Variants in UBN2 observed in about 807,000 individuals in gnomAD.
UBN2 encodes ubinuclein 2, also known as ubinuclein-2.
UBN2 carries 35 observed loss-of-function variants against 120.2 expected under a neutral mutation model. The observed-to-expected ratio is 0.29, with a 90% CI of 0.22 to 0.39. The LOEUF (loss-of-function observed/expected upper bound fraction) is 0.39. Ranked by LOEUF, UBN2 falls within the 10% of genes least tolerant of loss-of-function variation. The pLI, the probability that UBN2 is intolerant of heterozygous loss-of-function variation, is 1.00. For synonymous variants in UBN2, 661 were observed against 648.7 expected (o/e 1.02, Z -0.29); for missense variants, 1,693 against 1,663.2 (o/e 1.02, Z -0.31).
In UBN2 at chr7:139,279,365, G is replaced by C; in HGVS notation, c.2067+5G>C. The C allele has an allele frequency of 6.3e-7, 1 of 1,597,480 alleles. No homozygotes were observed. The highest frequency in any genetic ancestry group is 8.5e-7 in the Non-Finnish European group (1 of 1,172,006). On this transcript the variant is annotated splice_donor_5th_base_variant and intron_variant, in intron 13 of 17. Coordinates refer to ENST00000473989, the MANE Select transcript of UBN2 (RefSeq NM_173569.4). The stretch of plus-strand genomic sequence containing the variant: ...GCACCTAAACCCAAAGTAAAGGTAA[G>C]TACTGAAACAAAATATTTAATTAGT...
chr7:139,238,569 A>T (rs1796225298), intron 2 of UBN2, among the ~76,000 whole-genome samples: 1 of 152,044 alleles, frequency 6.6e-6, no homozygotes, highest in Admixed American at 6.6e-5. Flanking sequence ...GATTACAGGC[A>T]TGCACCACCA....
chr7:139,263,802 A>G (rs1441933630), intron 6 of UBN2, among the ~76,000 whole-genome samples: 1 of 152,030 alleles, frequency 6.6e-6, no homozygotes, highest in Non-Finnish European at 1.5e-5. Flanking sequence ...ACGTGCTAAT[A>G]CATCAAAAGT....
chr7:139,318,854 C>T, the UBN2 span, among the ~76,000 whole-genome samples: 1 of 152,046 alleles, frequency 6.6e-6, no homozygotes. Flanking sequence ...CAAATTCATG[C>T]GCGTGGTAAG....
chr7:139,310,330 T>C (rs563005332), downstream of UBN2, among the ~76,000 whole-genome samples: 4 of 151,238 alleles, frequency 2.6e-5, no homozygotes, highest in Non-Finnish European at 5.9e-5. Flanking sequence ...AAAGTTATAT[T>C]TGGTAGGGGA....
intron 4 of UBN2, 80 bp downstream of exon 4, chr7:139,258,705 G>A: frequency 7.9e-7 from 1 of 1,261,568 alleles, no homozygotes; most frequent in Non-Finnish European, 1.0e-6. Context: ...TGTCACACGT[G>A]TGAATGTAAG....
intron 12 of UBN2, chr7:139,276,360 C>G (rs889824478): frequency 1.7e-5 from 9 of 524,850 alleles, no homozygotes; most frequent in Admixed American, 1.0e-4. Flanking sequence ...ACATAATGGC[C>G]TGGGATTCTG....
chr7:139,281,889 C>A, intron 13 of UBN2, 116 bp from the exon 14 acceptor site: 3 of 882,960 alleles, frequency 3.4e-6, no homozygotes, highest in Non-Finnish European at 5.5e-6. Context: ...TACACTTGTA[C>A]TTCCAATTGG....
intron 15 of UBN2, among the ~76,000 whole-genome samples, chr7:139,290,051 A>G (rs1174520046): frequency 6.6e-6 from 1 of 151,940 alleles, no homozygotes; most frequent in Non-Finnish European, 1.5e-5. Flanking sequence ...GCGCCACCAC[A>G]CCTGGCTAAT....
intron 2 of UBN2, among the ~76,000 whole-genome samples, chr7:139,237,676 G>A (rs117478274): frequency 0.016 from 2,490 of 152,196 alleles, 24 homozygotes; most frequent in Non-Finnish European, 0.025. Context: ...GGAAACTGAG[G>A]CTCTGAGTTC....
At chr7:139,322,044 G>A in the UBN2 span, among the ~76,000 whole-genome samples, 2 of 151,794 alleles carry the variant, frequency 1.3e-5, no homozygotes, top group East Asian at 3.9e-4. Context: ...CACAATCTCA[G>A]CTCACTGCAA....
In UBN2 at chr7:139,238,157, C is replaced by T. The variant is rs191979935; in HGVS notation, c.561+1060C>T. ...CCAGTTGAGAAGCAACACCTTACCCCTCTGATTCCTCTGTGAGCATTGAAA... is the reference window on the plus strand; with the variant it reads ...CCAGTTGAGAAGCAACACCTTACCCTTCTGATTCCTCTGTGAGCATTGAAA... On this transcript the variant is annotated intron_variant, in intron 2 of 17. Coordinates refer to ENST00000473989, the MANE Select transcript of UBN2 (RefSeq NM_173569.4). Among the ~76,000 whole-genome samples, 168 of 152,282 alleles carry T rather than the reference C, an allele frequency of 1.1e-3. 1 individual carries two copies. Among genetic ancestry groups the T allele is most frequent in the African/African-American group, 3.7e-3 (155 of 41,550 alleles).
chr7:139,251,186 AT>A (rs1460922072), intron 2 of UBN2, among the ~76,000 whole-genome samples: 4 of 152,086 alleles, frequency 2.6e-5, no homozygotes, highest in African/African-American at 9.7e-5. Context: ...CTTTAAAAAA[AT>A]AATAATAATA....
intron 12 of UBN2, among the ~76,000 whole-genome samples, chr7:139,277,876 G>A (rs1467411205): frequency 2.0e-5 from 3 of 152,104 alleles, no homozygotes; most frequent in Non-Finnish European, 4.4e-5. Flanking sequence ...TCCTATAATA[G>A]ATTTTAGTTT....
chr7:139,281,631 A>T (rs1797614693), intron 13 of UBN2, among the ~76,000 whole-genome samples: 1 of 152,214 alleles, frequency 6.6e-6, no homozygotes, highest in Non-Finnish European at 1.5e-5. Flanking sequence ...TGCCAGTATA[A>T]ATCTGCACAG....
Position 139,233,187 on chromosome 7 carries a change from C to A in UBN2, c.468+1235C>A, listed in dbSNP as rs10270553. Among the ~76,000 whole-genome samples the A allele has an allele frequency of 8.6e-3, 1,307 of 152,256 alleles. 21 individuals carry two copies. Among genetic ancestry groups the A allele is most frequent in the African/African-American group, 0.03 (1,241 of 41,542 alleles). Reference sequence around the variant, plus strand: ...ATTTAGAAATGTTATGTGGTCAAATCATTACAAAATGTTTTCAACCAAAAT... The same window carrying A: ...ATTTAGAAATGTTATGTGGTCAAATAATTACAAAATGTTTTCAACCAAAAT... On this transcript the variant is annotated intron_variant, in intron 1 of 17. Coordinates refer to ENST00000473989, the MANE Select transcript of UBN2 (RefSeq NM_173569.4).
rs1796862512 is a variant in UBN2 at position 139,259,361 on chromosome 7, A to G, written c.896A>G (p.Lys299Arg). ...KEKKPRKKVP[K>R]QLGVVALNSH... ...AAGAAGCCAAGGAAAAAAGTTCCCA[A>G]ACAACTGGGGTACGTTAAATTAAAC... is the stretch of plus-strand genomic sequence containing the variant. Residue 299 changes from lysine to arginine, a missense_variant, in exon 5 of 18, where the codon AAA (lysine) becomes AGA (arginine). Around this residue, in one of 5 missense-constraint regions of UBN2, gnomAD observed 663 missense variants for 591.2 expected, o/e 1.12. Transcript: ENST00000473989. 3.1e-6 allele frequency: 5 copies of G among 1,613,922 alleles called. No homozygotes were observed. The highest frequency in any genetic ancestry group is 4.2e-6 in the Non-Finnish European group (5 of 1,179,916).
chr7:139,269,437 G>C lies in UBN2; in HGVS notation c.1510G>C (p.Gly504Arg). Reference sequence around the variant, plus strand: ...AGAACTAGGCCCTGTCATTCGCAGTGGTGTCTACTCCCACCTTGAAGCTTT... The same window carrying C: ...AGAACTAGGCCCTGTCATTCGCAGTCGTGTCTACTCCCACCTTGAAGCTTT... ...LQELGPVIRS[G>R]VYSHLEAFVP... Residue 504 changes from glycine to arginine, a missense_variant, in exon 8 of 18, where the codon GGT becomes CGT. This residue lies in a region of UBN2 where 178 missense variants were observed against 204.0 expected (regional missense o/e 0.87). Coordinates refer to ENST00000473989, the MANE Select transcript of UBN2 (RefSeq NM_173569.4). The C allele has an allele frequency of 6.2e-7, 1 of 1,614,048 alleles. No individual in the cohort carries two copies. Among genetic ancestry groups the C allele is most frequent in the Non-Finnish European group, 8.5e-7 (1 of 1,180,008 alleles).
At chr7:139,293,114 A>G (rs1798007772) in intron 15 of UBN2, 118 bp from the exon 16 acceptor site, 2 of 805,052 alleles carry the variant, frequency 2.5e-6, no homozygotes, top group East Asian at 2.6e-5. Flanking sequence ...CCTGTCTCAC[A>G]ACGTTTCTGT....
the UBN2 span, among the ~76,000 whole-genome samples, chr7:139,326,225 C>T: frequency 6.6e-6 from 1 of 152,158 alleles, no homozygotes; most frequent in Admixed American, 6.5e-5. Flanking sequence ...CCCTGCACTC[C>T]AGCGTGGGCA....
Sources: gnomAD v4.1 joint callset for allele counts (sites outside exome capture counted in the v4.1 genomes callset) on GRCh38, gnomAD v4.1.1 for gene constraint, gnomAD v4.1.1 regional missense constraint, MANE v1.5 for transcripts, NCBI Gene and HGNC (gene_info 2026-07-23, HGNC 2026-07-21) for gene names.